The following NIBAN1 variants were observed in gnomAD, a reference collection of about 807,000 sequenced individuals.
The protein encoded by NIBAN1 is protein Niban 1.
Under a neutral mutation model 75.1 loss-of-function variants are expected in NIBAN1, and 81 were observed. That is an observed-to-expected ratio of 1.08 (90% confidence interval 0.90 to 1.30). NIBAN1 has a LOEUF of 1.30. Among genes scored for constraint, NIBAN1 ranks in the 50% most tolerant of loss-of-function variants. The pLI is 0.00. For missense variants in NIBAN1, 1,133 were observed against 1,128.1 expected (o/e 1.00, Z -0.06); for synonymous variants, 436 against 424.8 (o/e 1.03, Z -0.32).
intron 10 of NIBAN1, among the ~76,000 whole-genome samples, chr1:184,807,589 ACCAG>A (rs1654240854): frequency 6.6e-6 from 1 of 152,126 alleles, no homozygotes; most frequent in African/African-American, 2.4e-5. Context: ...AGAGTTTGAG[ACCAG>A]CCTGGCCAAC....
intron 1 of NIBAN1, among the ~76,000 whole-genome samples, chr1:184,938,248 G>A (rs559757536): frequency 6.6e-6 from 1 of 152,310 alleles, no homozygotes; most frequent in East Asian, 1.9e-4. Flanking sequence ...AAAGCTTGAA[G>A]TCAGGCAGTG....
At chr1:184,828,219 C>T (rs1654897549) in intron 6 of NIBAN1, among the ~76,000 whole-genome samples, 1 of 152,034 alleles carries the variant, frequency 6.6e-6, no homozygotes, top group Non-Finnish European at 1.5e-5. Context: ...AGTTGCTTTG[C>T]CTGAGCACTT....
chr1:184,925,981 A>C lies in NIBAN1; in HGVS notation c.56-26672T>G, dbSNP rs532611560. Among the ~76,000 whole-genome samples, 2 of 152,274 alleles carry C rather than the reference A, an allele frequency of 1.3e-5. 1 individual carries two copies. Among genetic ancestry groups the C allele is most frequent in the East Asian group, 3.9e-4 (2 of 5,188 alleles). ...GCTCATTAACGCCCTTTACTTTCAG[A>C]TTGAAGGACTCCCTTTAGCATTTCT... is the stretch of plus-strand genomic sequence containing the variant. On this transcript the variant is annotated intron_variant, in intron 1 of 13. Transcript: ENST00000367511.
intron 3 of NIBAN1, among the ~76,000 whole-genome samples, chr1:184,890,945 G>A (rs1398345827): frequency 6.6e-6 from 1 of 152,128 alleles, no homozygotes; most frequent in Non-Finnish European, 1.5e-5. Flanking sequence ...TGCATCTGAC[G>A]GGAGGGCTTA....
chr1:184,944,251 G>A (rs1269020543), intron 1 of NIBAN1, among the ~76,000 whole-genome samples: 5 of 152,178 alleles, frequency 3.3e-5, no homozygotes, highest in African/African-American at 4.8e-5. Flanking sequence ...CTGGTGACTA[G>A]TTCTAGATTA....
intron 1 of NIBAN1, among the ~76,000 whole-genome samples, chr1:184,971,598 A>C (rs138344062): frequency 0.02 from 3,055 of 152,170 alleles, 94 homozygotes; most frequent in African/African-American, 0.069. Context: ...TGGACCAGGG[A>C]GTCAGAGGTT....
intron 5 of NIBAN1, among the ~76,000 whole-genome samples, chr1:184,883,173 A>T (rs1295103197): frequency 6.6e-6 from 1 of 152,246 alleles, no homozygotes; most frequent in Non-Finnish European, 1.5e-5. Context: ...TAGGAAATAA[A>T]GGCACAATGG....
chr1:184,941,156 A>C (rs896064515), intron 1 of NIBAN1, among the ~76,000 whole-genome samples: 1 of 152,238 alleles, frequency 6.6e-6, no homozygotes, highest in Non-Finnish European at 1.5e-5. Context: ...GACAGAAGAA[A>C]TTAAGGAAAG....
intron 5 of NIBAN1, among the ~76,000 whole-genome samples, chr1:184,863,785 T>A (rs760895028): frequency 3.9e-5 from 6 of 152,188 alleles, no homozygotes; most frequent in Non-Finnish European, 7.3e-5. Flanking sequence ...AGAGCAGAGA[T>A]CTAGGTATTC....
intron 1 of NIBAN1, among the ~76,000 whole-genome samples, chr1:184,917,066 T>C (rs1207179292): frequency 1.3e-5 from 2 of 152,198 alleles, no homozygotes; most frequent in Non-Finnish European, 2.9e-5. Flanking sequence ...CGGCTGCTTA[T>C]TGCAGGCTTC....
chr1:184,857,928 A>T (rs1655720389), intron 5 of NIBAN1, among the ~76,000 whole-genome samples: 1 of 148,726 alleles, frequency 6.7e-6, no homozygotes, highest in African/African-American at 2.5e-5. Context: ...CTCAAATGTT[A>T]AAAAAAAAAT....
At chr1:184,915,385 G>A (rs961730631) in intron 1 of NIBAN1, among the ~76,000 whole-genome samples, 2 of 152,162 alleles carry the variant, frequency 1.3e-5, no homozygotes, top group South Asian at 2.1e-4. Flanking sequence ...CTGTACAATC[G>A]CAGAGGGAGA....
In NIBAN1 at chr1:184,823,778, G is replaced by A. The variant is rs562616131; in HGVS notation, c.718-36C>T. The stretch of plus-strand genomic sequence containing the variant: ...GAAGACAGCCCAGAGTCGGTCAGTC[G>A]GTGATGGCTACATCTGAGCATCAGG... On this transcript the variant is annotated intron_variant, in intron 6 of 13. Transcript: ENST00000367511. 161 of 1,573,072 alleles carry A rather than the reference G, an allele frequency of 1.0e-4. 1 individual carries two copies. The South Asian group carries it at 1.5e-3, about 15-fold the overall frequency.
chr1:184,909,490 G>A (rs1657185859), intron 1 of NIBAN1, among the ~76,000 whole-genome samples: 1 of 152,140 alleles, frequency 6.6e-6, no homozygotes, highest in African/African-American at 2.4e-5. Context: ...GGGGATATGT[G>A]TAACAGTAAG....
intron 5 of NIBAN1, 29 bp downstream of exon 5, chr1:184,884,604 C>T: frequency 2.5e-6 from 4 of 1,611,354 alleles, no homozygotes; most frequent in Non-Finnish European, 3.4e-6. Flanking sequence ...ACTTCCCGCC[C>T]CGGGGATGAG....
rs368866776 is a variant in NIBAN1, at chr1:184,795,352, G to A, written c.2412C>T (p.Thr804=). The A allele has an allele frequency of 7.5e-6, 12 of 1,609,210 alleles. No homozygotes were observed. Among genetic ancestry groups the A allele is most frequent in the Non-Finnish European group, 9.3e-6 (11 of 1,177,832 alleles). The change falls in exon 14 of 14, where the codon ACC becomes ACT. Residue 804 remains threonine, a synonymous_variant. Coordinates refer to ENST00000367511, the MANE Select transcript of NIBAN1 (RefSeq NM_052966.4). ...PASPPASGGL[T]EEPLGPMEGE... ...CCTCCATGGGCCCCAGGGGCTCCTCGGTGAGCCCTCCACTGGCTGGCGGAG... is the reference window on the plus strand; with the variant it reads ...CCTCCATGGGCCCCAGGGGCTCCTCAGTGAGCCCTCCACTGGCTGGCGGAG...
At chr1:184,921,292 T>C (rs1195384401) in intron 1 of NIBAN1, among the ~76,000 whole-genome samples, 2 of 152,028 alleles carry the variant, frequency 1.3e-5, no homozygotes, top group East Asian at 1.9e-4. Flanking sequence ...GGTGAAACTC[T>C]GTCTCAAAAA....
rs201877926 is a variant in NIBAN1, at chr1:184,808,133, G to A, written c.1276C>T (p.Arg426Cys). Reference protein sequence around the residue: ...LHERLQDLKSRFRFPHIDLVV... With the variant: ...LHERLQDLKSCFRFPHIDLVV... ...AGATCAATGTGGGGGAATCTGAAGC[G>A]GCTCTTGAGATCCTGCAGGCGCTCG... The change falls in exon 10 of 14, where the codon CGC (arginine) becomes TGC (cysteine). Residue 426 changes from arginine to cysteine, a missense_variant. Coordinates refer to ENST00000367511, the MANE Select transcript of NIBAN1 (RefSeq NM_052966.4). The A allele has an allele frequency of 2.3e-5, 37 of 1,614,016 alleles. No homozygotes were observed. Among genetic ancestry groups the A allele is most frequent in the Middle Eastern group, 1.6e-4 (1 of 6,062 alleles).
At chr1:184,875,408 G>A (rs1001775702) in intron 5 of NIBAN1, among the ~76,000 whole-genome samples, 2 of 152,186 alleles carry the variant, frequency 1.3e-5, no homozygotes, top group Admixed American at 1.3e-4. Flanking sequence ...ATCGTTTGAA[G>A]GTTTGACAGA....
Sources: allele counts gnomAD v4.1 joint callset (sites outside exome capture counted in the v4.1 genomes callset), GRCh38; gene constraint gnomAD v4.1.1; transcripts MANE v1.5; gene names NCBI Gene and HGNC (gene_info 2026-07-23, HGNC 2026-07-21).